Variants in PCDHA4 observed in about 807,000 individuals in gnomAD.
The protein encoded by PCDHA4 is protocadherin alpha-4.
Under a neutral mutation model 61.4 loss-of-function variants are expected in PCDHA4, and 49 were observed. The ratio of observed to expected loss-of-function variants is 0.80; its 90% CI spans 0.63 to 1.01. The LOEUF (loss-of-function observed/expected upper bound fraction) is 1.01. Among genes scored for constraint, PCDHA4 ranks in the 50% least tolerant of loss-of-function variants. The pLI is 0.00. For missense variants in PCDHA4, 1,254 were observed against 1,235.8 expected, an observed-to-expected ratio of 1.01 and a Z score of -0.22; for synonymous variants, 590 against 550.3, an observed-to-expected ratio of 1.07 and a Z score of -1.01.
intron 1 of PCDHA4, among the ~76,000 whole-genome samples, chr5:140,945,559 A>T (rs1365534966): frequency 6.6e-6 from 1 of 152,096 alleles, no homozygotes; most frequent in Non-Finnish European, 1.5e-5. Flanking sequence ...GAAGCTGAAG[A>T]CATCATACTA....
At chr5:140,968,920 A>G (rs781931367) in intron 1 of PCDHA4, 1 of 1,614,120 alleles carries the variant, frequency 6.2e-7, no homozygotes, top group Admixed American at 1.7e-5. Flanking sequence ...TGTCTTTTAT[A>G]TTTCTTTTGA....
intron 1 of PCDHA4, chr5:140,850,880 A>T (rs2150501340): frequency 6.3e-7 from 1 of 1,586,802 alleles, no homozygotes; most frequent in African/African-American, 1.4e-5. Flanking sequence ...CCTCAGATTC[A>T]ACTGGGAAGG....
At chr5:140,983,783 G>A (rs2097068046) in intron 3 of PCDHA4, among the ~76,000 whole-genome samples, 1 of 152,130 alleles carries the variant, frequency 6.6e-6, no homozygotes, top group Non-Finnish European at 1.5e-5. Context: ...ATACATAACA[G>A]ATGACAGAAT....
At chr5:140,899,431 T>C (rs1271468350) in intron 1 of PCDHA4, among the ~76,000 whole-genome samples, 2 of 152,242 alleles carry the variant, frequency 1.3e-5, no homozygotes, top group Non-Finnish European at 2.9e-5. Context: ...AGGTCTTTTC[T>C]GCATCTATTG....
rs573889445 is a variant in PCDHA4 at position 140,855,681 on chromosome 5, A to G, written c.2385+46109A>G. ...AGAAATCACTACTCTGAGAGTCTAC[A>G]TTTAAGAAAACATTGCACGTGGGAT... On this transcript the variant is annotated intron_variant, in intron 1 of 3. Coordinates refer to ENST00000530339, the MANE Select transcript of PCDHA4 (RefSeq NM_018907.4). Among the ~76,000 whole-genome samples the G allele has an allele frequency of 1.4e-4, 21 of 149,936 alleles. 1 individual carries two copies. The highest frequency in any genetic ancestry group is 5.1e-4 in the African/African-American group (21 of 40,902).
intron 1 of PCDHA4, chr5:140,875,821 T>C: frequency 6.2e-7 from 1 of 1,614,192 alleles, no homozygotes; most frequent in Non-Finnish European, 8.5e-7. Context: ...GCTGCAGGTT[T>C]TCCATGTGGA....
chr5:140,885,152 T>C (rs1182560213), intron 1 of PCDHA4, among the ~76,000 whole-genome samples: 1 of 152,206 alleles, frequency 6.6e-6, no homozygotes, highest in African/African-American at 2.4e-5. Context: ...CTGTTTTGAT[T>C]GTCTCTACTT....
intron 1 of PCDHA4, among the ~76,000 whole-genome samples, chr5:140,931,876 T>G (rs533517349): frequency 1.3e-5 from 2 of 152,112 alleles, no homozygotes; most frequent in South Asian, 4.1e-4. Context: ...AAATATTTAT[T>G]GCTTTCATTT....
At chr5:140,983,170 G>A (rs1046143831) in intron 3 of PCDHA4, among the ~76,000 whole-genome samples, 1 of 152,136 alleles carries the variant, frequency 6.6e-6, no homozygotes, top group Non-Finnish European at 1.5e-5. Context: ...AAACATGACC[G>A]CCTCACAATT....
chr5:140,929,557 A>G (rs782792383), intron 1 of PCDHA4: 64 of 478,142 alleles, frequency 1.3e-4, no homozygotes, highest in Non-Finnish European at 1.9e-4. Flanking sequence ...ATTAAAACCT[A>G]TTTAAGAACA....
rs575381539 is a variant in PCDHA4, at chr5:140,952,919, T to TGAGCAG, written c.2386-26018_2386-26013dup. On this transcript the variant is annotated intron_variant, in intron 1 of 3. Coordinates refer to ENST00000530339, the MANE Select transcript of PCDHA4 (RefSeq NM_018907.4). ...GGAATCAAGCTCATCTTACATGGCA[T>TGAGCAG]GAGCAGGAGCAGGAGCAAGAGAGAG... 2.3e-3 allele frequency among the ~76,000 whole-genome samples: 343 copies of TGAGCAG among 152,172 alleles called. 1 individual carries two copies. Among genetic ancestry groups the TGAGCAG allele is most frequent in the African/African-American group, 7.9e-3 (326 of 41,516 alleles).
intron 1 of PCDHA4, chr5:140,857,757 G>C (rs782736508): frequency 6.3e-7 from 1 of 1,597,402 alleles, no homozygotes; most frequent in Non-Finnish European, 8.6e-7. Flanking sequence ...TCTCCCGCTG[G>C]CAGCGCGGGC....
chr5:140,830,668 A>C (rs1269050211), intron 1 of PCDHA4: 1 of 382,460 alleles, frequency 2.6e-6, no homozygotes, highest in Non-Finnish European at 4.3e-6. Flanking sequence ...TTTAAGTGAA[A>C]TTAGAAATCA....
In PCDHA4 at chr5:140,809,474, G is replaced by A. The variant is rs150783892; in HGVS notation, c.2287G>A (p.Gly763Ser). ...QRRPRVCSGE[G>S]PPKTDLMAFS... ...GAGGCCGAGGGTGTGCTCTGGTGAG[G>A]GCCCACCCAAGACCGACCTCATGGC... Residue 763 changes from glycine to serine, a missense_variant, in exon 1 of 4, where the codon GGC becomes AGC. Transcript: ENST00000530339. The A allele has an allele frequency of 7.4e-6, 12 of 1,614,110 alleles. No individual in the cohort carries two copies. The highest frequency in any genetic ancestry group is 1.6e-4 in the Middle Eastern group (1 of 6,084).
intron 1 of PCDHA4, among the ~76,000 whole-genome samples, chr5:140,873,578 G>A (rs1175903601): frequency 6.8e-5 from 8 of 117,146 alleles, no homozygotes; most frequent in Non-Finnish European, 1.4e-4. Flanking sequence ...GGTTGTTTAA[G>A]TATTAAGCTA....
At chr5:140,927,868 C>T (rs782143210) in intron 1 of PCDHA4, 2 of 1,614,220 alleles carry the variant, frequency 1.2e-6, no homozygotes, top group Admixed American at 1.7e-5. Flanking sequence ...CACCGCTAAA[C>T]TGCTGGTGGA....
chr5:140,937,227 C>CG lies in PCDHA4; in HGVS notation c.2386-41718dup, dbSNP rs2091422712. Among the ~76,000 whole-genome samples the CG allele has an allele frequency of 2.0e-5, 3 of 151,930 alleles. No homozygotes were observed. The South Asian group carries it at 6.2e-4, about 32-fold the overall frequency. On this transcript the variant is annotated intron_variant, in intron 1 of 3. Transcript: ENST00000530339. Reference sequence around the variant, plus strand: ...TAATTTTTTGTATTTTTTGTAGAGACGGGGTTTCACCGTGTTAGCCAGGAT... The same window carrying CG: ...TAATTTTTTGTATTTTTTGTAGAGACGGGGGTTTCACCGTGTTAGCCAGGAT...
chr5:140,828,424 C>T (rs138737999), intron 1 of PCDHA4: 4 of 1,614,132 alleles, frequency 2.5e-6, no homozygotes, highest in Non-Finnish European at 3.4e-6. Context: ...TGATCGTGGA[C>T]AGGCCGCTGC....
rs185908462 is a variant in PCDHA4 at position 140,840,862 on chromosome 5, T to C, written c.2385+31290T>C. Among the ~76,000 whole-genome samples, 246 of 152,114 alleles carry C rather than the reference T, an allele frequency of 1.6e-3. 2 individuals carry two copies. The highest frequency in any genetic ancestry group is 5.6e-3 in the African/African-American group (234 of 41,462). ...AATGCATTTCTTCCACACGAAACTA[T>C]GGAGGACAGTTTACATTTCTGATAT... On this transcript the variant is annotated intron_variant, in intron 1 of 3. Transcript: ENST00000530339.
Sources: allele counts gnomAD v4.1 joint callset (sites outside exome capture counted in the v4.1 genomes callset), GRCh38; gene constraint gnomAD v4.1.1; transcripts MANE v1.5; gene names NCBI Gene and HGNC (gene_info 2026-07-23, HGNC 2026-07-21).